GRIN3A: variants seen among roughly 807,000 people sequenced by gnomAD.
GRIN3A encodes the protein glutamate receptor ionotropic, NMDA 3A.
In GRIN3A, 47 loss-of-function variants were observed where a neutral mutation model predicts 92.4. The ratio of observed to expected loss-of-function variants is 0.51; its 90% CI spans 0.40 to 0.65. The LOEUF (loss-of-function observed/expected upper bound fraction) is 0.65, where lower values mean the gene tolerates loss of function less well. GRIN3A is among the 30% of genes least tolerant of loss of function. The pLI is 0.00. For missense variants in GRIN3A, 1,324 were observed against 1,393.1 expected, an observed-to-expected ratio of 0.95 and a Z score of 0.79; for synonymous variants, 527 against 540.6, an observed-to-expected ratio of 0.97 and a Z score of 0.35.
In GRIN3A at chr9:101,579,244, TGGTAGCAGCA is replaced by T; in HGVS notation, c.2873_2882del (p.Leu958HisfsTer23). ...GCAGCTTGGATTTGTTTTTGATTCGTGGTAGCAGCAGCCTGTATACTATGTGCTCACCAAT... is the reference window on the plus strand; with the variant it reads ...GCAGCTTGGATTTGTTTTTGATTCGTGCCTGTATACTATGTGCTCACCAAT... On this transcript the variant is annotated frameshift_variant, in exon 7 of 9. Coordinates refer to ENST00000361820, the MANE Select transcript of GRIN3A (RefSeq NM_133445.3). LOFTEE classifies it high-confidence loss of function. The T allele has an allele frequency of 6.2e-7, 1 of 1,614,004 alleles. No individual in the cohort carries two copies. The highest frequency in any genetic ancestry group is 8.5e-7 in the Non-Finnish European group (1 of 1,179,920).
chr9:101,570,836 A>G lies in GRIN3A; in HGVS notation c.*2338T>C, dbSNP rs1208480135. 2 of 152,670 alleles carry G rather than the reference A, an allele frequency of 1.3e-5. No individual in the cohort carries two copies. Among genetic ancestry groups the G allele is most frequent in the African/African-American group, 4.8e-5 (2 of 41,464 alleles). 9.5% of individuals were successfully genotyped at this position (152,670 alleles called of 1,614,324 possible). A position where few individuals can be genotyped will look rare whatever the true frequency, so the allele number is the denominator to read the frequency against. On this transcript the variant is annotated 3_prime_UTR_variant, in exon 9 of 9. Coordinates refer to ENST00000361820, the MANE Select transcript of GRIN3A (RefSeq NM_133445.3). ...TAATTGCATTACAAAAGGGTGCTTT[A>G]CTTTACAAAAGAATTCACTTCTGGG... is the stretch of plus-strand genomic sequence containing the variant.
chr9:101,662,632 A>T (rs966286819), intron 3 of GRIN3A, among the ~76,000 whole-genome samples: 8 of 151,798 alleles, frequency 5.3e-5, no homozygotes, highest in African/African-American at 1.9e-4. Flanking sequence ...ATATGTTTTT[A>T]AAATATTAAT....
rs149637676 is a variant in GRIN3A at position 101,616,352 on chromosome 9, ACAT to A, written c.2615-2828_2615-2826del. Among the ~76,000 whole-genome samples the A allele has an allele frequency of 2.4e-3, 366 of 152,334 alleles. 3 individuals carry two copies. The highest frequency in any genetic ancestry group is 8.4e-3 in the African/African-American group (349 of 41,582). ...TATTTTAAAATGTTATTTAATAATA[ACAT>A]CAGCAGAATCAAAAGCTACCCATCC... On this transcript the variant is annotated intron_variant, in intron 5 of 8. Coordinates refer to ENST00000361820, the MANE Select transcript of GRIN3A (RefSeq NM_133445.3).
At chr9:101,604,057 G>T (rs1001721836) in intron 6 of GRIN3A, among the ~76,000 whole-genome samples, 1 of 152,192 alleles carries the variant, frequency 6.6e-6, no homozygotes, top group Non-Finnish European at 1.5e-5. Flanking sequence ...CTCTCTGCCT[G>T]TGAGCTCTGT....
In GRIN3A at chr9:101,573,253, C is replaced by G. The variant is rs140955159; in HGVS notation, c.3269G>C (p.Arg1090Pro). ...GCTCACAGCCAGCTGCAGCTCCTGA[C>G]GGATCACCTGAATCTGCTTCTCGAG... is the stretch of plus-strand genomic sequence containing the variant. ...SELEKQIQVI[R>P]QELQLAVSRK... The change falls in exon 9 of 9, where the codon CGT becomes CCT. Residue 1090 changes from arginine (R) to proline (P), a missense_variant. Coordinates refer to ENST00000361820, the MANE Select transcript of GRIN3A (RefSeq NM_133445.3). 6.2e-7 allele frequency: 1 copy of G among 1,614,086 alleles called. No individual in the cohort carries two copies.
At chr9:101,689,370 T>C (rs1829582659) in intron 1 of GRIN3A, among the ~76,000 whole-genome samples, 3 of 152,188 alleles carry the variant, frequency 2.0e-5, no homozygotes, top group Admixed American at 6.5e-5. Flanking sequence ...ATGAAATTGT[T>C]GCTTTCTTGC....
chr9:101,579,220 C>T lies in GRIN3A; in HGVS notation c.2907G>A (p.Leu969=), dbSNP rs1352477259. Residue 969 remains leucine (L), a synonymous_variant, in exon 7 of 9, where the codon CTG becomes CTA. Coordinates refer to ENST00000361820, the MANE Select transcript of GRIN3A (RefSeq NM_133445.3). The part of the protein sequence containing the change: ...LLPRIKNKSK[L]QYWLHTSQRL... ...CCTGGCTGGTGTGGAGCCAGTATTG[C>T]AGCTTGGATTTGTTTTTGATTCGTG... 3.1e-6 allele frequency: 5 copies of T among 1,613,922 alleles called. No individual in the cohort carries two copies. The South Asian group carries it at 4.4e-5, about 14-fold the overall frequency.
chr9:101,707,378 A>G (rs1437102190), intron 1 of GRIN3A, among the ~76,000 whole-genome samples: 1 of 152,218 alleles, frequency 6.6e-6, no homozygotes, highest in African/African-American at 2.4e-5. Context: ...CCAACTCGGA[A>G]AAGCATCCAT....
intron 7 of GRIN3A, among the ~76,000 whole-genome samples, chr9:101,578,302 A>G (rs1827851393): frequency 1.3e-5 from 2 of 152,316 alleles, no homozygotes; most frequent in South Asian, 2.1e-4. Flanking sequence ...TTCCCAGGAT[A>G]AAAGTAGGAA....
chr9:101,599,909 G>A (rs1255191261), intron 6 of GRIN3A, among the ~76,000 whole-genome samples: 1 of 152,164 alleles, frequency 6.6e-6, no homozygotes, highest in East Asian at 1.9e-4. Context: ...TAAGCGTACT[G>A]ACGTTAGCCA....
chr9:101,720,975 G>A (rs751356066), intron 1 of GRIN3A, among the ~76,000 whole-genome samples: 2 of 152,136 alleles, frequency 1.3e-5, no homozygotes, highest in Admixed American at 6.5e-5. Flanking sequence ...ACAAACCTGC[G>A]TGTGTACCTC....
intron 1 of GRIN3A, among the ~76,000 whole-genome samples, chr9:101,730,167 A>G (rs1480825617): frequency 6.6e-6 from 1 of 152,112 alleles, no homozygotes; most frequent in Non-Finnish European, 1.5e-5. Context: ...TTCTTTGCTG[A>G]CCTACTTTGC....
intron 6 of GRIN3A, among the ~76,000 whole-genome samples, chr9:101,601,775 G>A (rs1338324685): frequency 6.6e-6 from 1 of 152,086 alleles, no homozygotes; most frequent in Non-Finnish European, 1.5e-5. Flanking sequence ...CTGTCTTTGT[G>A]TGATAGATGG....
At chr9:101,693,728 G>A (rs996001395) in intron 1 of GRIN3A, among the ~76,000 whole-genome samples, 7 of 152,086 alleles carry the variant, frequency 4.6e-5, no homozygotes, top group Middle Eastern at 3.4e-3. Context: ...TGTTTTCTTC[G>A]CTCATCCTCC....
At chr9:101,639,480 T>C (rs1470593544) in intron 3 of GRIN3A, among the ~76,000 whole-genome samples, 1 of 152,176 alleles carries the variant, frequency 6.6e-6, no homozygotes, top group Non-Finnish European at 1.5e-5. Context: ...AACTTCTCTC[T>C]TGAATCATTG....
chr9:101,675,065 A>G lies in GRIN3A; in HGVS notation c.1305-3958T>C, dbSNP rs186498868. ...ATAGGAAAGAAAAATGGTGACTAAG[A>G]GACCACTTACAATATCTTTGTCATG... is the stretch of plus-strand genomic sequence containing the variant. On this transcript the variant is annotated intron_variant, in intron 2 of 8. Coordinates refer to ENST00000361820, the MANE Select transcript of GRIN3A (RefSeq NM_133445.3). Among the ~76,000 whole-genome samples the G allele has an allele frequency of 2.3e-3, 343 of 152,140 alleles. 1 individual carries two copies. The highest frequency in any genetic ancestry group is 7.5e-3 in the African/African-American group (312 of 41,552).
chr9:101,643,013 G>T (rs1588263224), intron 3 of GRIN3A, among the ~76,000 whole-genome samples: 2 of 152,132 alleles, frequency 1.3e-5, no homozygotes, highest in African/African-American at 4.8e-5. Context: ...AATAATAATA[G>T]AAATAAAGTG....
chr9:101,653,523 C>A (rs1829039734), intron 3 of GRIN3A, among the ~76,000 whole-genome samples: 2 of 151,794 alleles, frequency 1.3e-5, no homozygotes, highest in African/African-American at 4.8e-5. Context: ...TTTTTATTTT[C>A]TCTGTCCTGT....
chr9:101,615,555 A>G (rs1828434734), intron 5 of GRIN3A, among the ~76,000 whole-genome samples: 1 of 146,304 alleles, frequency 6.8e-6, no homozygotes. Context: ...ATGGGGTTTC[A>G]CCGTGTTAGC....
Sources: gnomAD v4.1 joint callset for allele counts (sites outside exome capture counted in the v4.1 genomes callset) on GRCh38, gnomAD v4.1.1 for gene constraint, MANE v1.5 for transcripts, NCBI Gene and HGNC (gene_info 2026-07-23, HGNC 2026-07-21) for gene names.